The following SRSF4 variants were observed in gnomAD, a reference collection of about 807,000 sequenced individuals.
SRSF4 encodes the protein serine and arginine rich splicing factor 4.
SRSF4 carries 12 observed loss-of-function variants against 48.8 expected under a neutral mutation model. The observed-to-expected ratio is 0.25, with a 90% CI of 0.16 to 0.40. The LOEUF (loss-of-function observed/expected upper bound fraction) is 0.40. Ranked by LOEUF, SRSF4 falls within the 10% of genes least tolerant of loss-of-function variation. SRSF4 has a pLI of 1.00. For missense variants in SRSF4, 466 were observed against 667.1 expected (o/e 0.70, Z 3.32); for synonymous variants, 248 against 232.5 (o/e 1.07, Z -0.61).
chr1:29,177,287 T>TG (rs1558394572), intron 1 of SRSF4, among the ~76,000 whole-genome samples: 2 of 151,600 alleles, frequency 1.3e-5, no homozygotes, highest in Non-Finnish European at 2.9e-5. Context: ...CTTTTTGTTT[T>TG]TTTTTTTTTT....
intron 4 of SRSF4, among the ~76,000 whole-genome samples, chr1:29,151,557 T>G (rs1039755224): frequency 3.3e-5 from 5 of 152,112 alleles, no homozygotes; most frequent in African/African-American, 9.7e-5. Context: ...TGCTCCACAC[T>G]AAAAGCCTGA....
chr1:29,169,432 G>A (rs1672714868), intron 1 of SRSF4: 1 of 152,178 alleles, frequency 6.6e-6, no homozygotes, highest in Admixed American at 6.5e-5. Flanking sequence ...AGGAATATAA[G>A]CATCTTATGA....
intron 3 of SRSF4, among the ~76,000 whole-genome samples, chr1:29,158,446 T>C (rs532193273): frequency 6.6e-6 from 1 of 151,864 alleles, no homozygotes; most frequent in East Asian, 1.9e-4. Context: ...TTTTTTTTTT[T>C]TGAGACAGAG....
At position 29,161,835 on chromosome 1, in the gene SRSF4, C is replaced by T. The variant is rs1192476768; in HGVS notation, c.108-1318G>A. ...GCTGGTCTCAAAACCTCAGGTGATTCGCCCTCCTGGGCCTCCCAAAGCGCT... is the reference window on the plus strand; with the variant it reads ...GCTGGTCTCAAAACCTCAGGTGATTTGCCCTCCTGGGCCTCCCAAAGCGCT... On this transcript the variant is annotated intron_variant, in intron 1 of 5. Transcript: ENST00000373795. Among the ~76,000 whole-genome samples, 9 of 152,322 alleles carry T rather than the reference C, an allele frequency of 5.9e-5. No individual in the cohort carries two copies. The East Asian group carries it at 7.7e-4, about 13-fold the overall frequency.
At chr1:29,168,739 A>C (rs1272282118) in intron 1 of SRSF4, 1 of 152,206 alleles carries the variant, frequency 6.6e-6, no homozygotes, top group African/African-American at 2.4e-5. Flanking sequence ...GGCTCAGCAA[A>C]AATTAGACCA....
intron 1 of SRSF4, among the ~76,000 whole-genome samples, chr1:29,181,271 A>G (rs575029974): frequency 2.6e-5 from 4 of 152,322 alleles, no homozygotes; most frequent in African/African-American, 7.2e-5. Context: ...TAGTCCTCAG[A>G]GCGGGAAAGG....
chr1:29,181,611 C>A, intron 1 of SRSF4, 35 bp downstream of exon 1: 1 of 1,551,060 alleles, frequency 6.4e-7, no homozygotes, highest in South Asian at 1.2e-5. Flanking sequence ...TGGGGTCTGT[C>A]CCCGCCCGGC....
intron 1 of SRSF4, among the ~76,000 whole-genome samples, chr1:29,181,224 G>A (rs1447388044): frequency 6.6e-6 from 1 of 152,228 alleles, no homozygotes; most frequent in South Asian, 2.1e-4. Flanking sequence ...GACCGGGCAA[G>A]AGGTGAAAGG....
chr1:29,154,947 G>T, intron 3 of SRSF4, 37 bp from the exon 4 acceptor site: 1 of 1,566,892 alleles, frequency 6.4e-7, no homozygotes, highest in South Asian at 1.2e-5. Context: ...ATTAGGATAT[G>T]TTTTGCTAAA....
At chr1:29,177,276 T>C (rs894746621) in intron 1 of SRSF4, among the ~76,000 whole-genome samples, 16 of 145,326 alleles carry the variant, frequency 1.1e-4, no homozygotes, top group Non-Finnish European at 2.1e-4. Context: ...CTACAGTAAC[T>C]CTTTTTGTTT....
chr1:29,156,661 A>G (rs146575707), intron 3 of SRSF4, among the ~76,000 whole-genome samples: 93 of 152,258 alleles, frequency 6.1e-4, no homozygotes, highest in African/African-American at 1.9e-3. Flanking sequence ...TCAATTATCT[A>G]TTACTCTCGT....
intron 1 of SRSF4, among the ~76,000 whole-genome samples, chr1:29,175,766 G>T (rs1466061662): frequency 1.3e-5 from 2 of 149,706 alleles, no homozygotes; most frequent in East Asian, 2.0e-4. Context: ...TTAAGAGTGG[G>T]TCTTTAATTT....
intron 1 of SRSF4, among the ~76,000 whole-genome samples, chr1:29,167,243 C>CA (rs1168452898): frequency 1.3e-5 from 2 of 152,194 alleles, no homozygotes; most frequent in Admixed American, 1.3e-4. Context: ...AAACCTGGAA[C>CA]ACCTTGACTA....
Position 29,149,039 on chromosome 1 carries a change from G to A in SRSF4, c.856C>T (p.Pro286Ser). 6.2e-7 allele frequency: 1 copy of A among 1,613,392 alleles called. No individual in the cohort carries two copies. The highest frequency in any genetic ancestry group is 8.5e-7 in the Non-Finnish European group (1 of 1,179,950). The change falls in exon 6 of 6, where the codon CCC (proline) becomes TCC (serine). Residue 286 changes from proline to serine, a missense_variant. Around this residue, in one of 2 missense-constraint regions of SRSF4, gnomAD observed 402 missense variants for 437.0 expected, o/e 0.92. Transcript: ENST00000373795. ...KIQNNDNVGK[P>S]KSRSPSRHKS... ...TGCCTGCTAGGACTCCGGCTCTTGG[G>A]TTTCCCGACATTGTCATTGTTTTGG...
chr1:29,180,794 GC>G (rs767642167), intron 1 of SRSF4, among the ~76,000 whole-genome samples: 13 of 152,136 alleles, frequency 8.5e-5, no homozygotes, highest in Non-Finnish European at 1.9e-4. Flanking sequence ...GCTCATGCTG[GC>G]ACTATTTTTG....
intron 1 of SRSF4, chr1:29,172,182 T>C (rs1672754297): frequency 6.6e-6 from 1 of 152,232 alleles, no homozygotes; most frequent in Admixed American, 6.5e-5. Context: ...AATAGTTATA[T>C]TACTAATAAA....
chr1:29,159,299 G>T, intron 3 of SRSF4, 75 bp downstream of exon 3: 3 of 949,020 alleles, frequency 3.2e-6, no homozygotes, highest in Non-Finnish European at 5.1e-6. Flanking sequence ...GTATGCCTGG[G>T]CCTGCACAAA....
chr1:29,172,096 AAAT>A (rs1672752655), intron 1 of SRSF4: 1 of 152,140 alleles, frequency 6.6e-6, no homozygotes, highest in Non-Finnish European at 1.5e-5. Context: ...TGGGGGAAAA[AAAT>A]AATACACTTT....
Position 29,148,368 on chromosome 1 carries a change from ACAAAAG to A in SRSF4, c.*36_*41del, listed in dbSNP as rs771358287. Reference sequence around the variant, plus strand: ...CTTGTGCTACGGCTACCAAACATGTACAAAAGACTTCTCGGGTAGTTCCAGCTGTGG... The same window carrying A: ...CTTGTGCTACGGCTACCAAACATGTAACTTCTCGGGTAGTTCCAGCTGTGG... On this transcript the variant is annotated 3_prime_UTR_variant, in exon 6 of 6. Coordinates refer to ENST00000373795, the MANE Select transcript of SRSF4 (RefSeq NM_005626.5). The A allele has an allele frequency of 1.2e-3, 1,932 of 1,557,488 alleles. 1 individual carries two copies. Among genetic ancestry groups the A allele is most frequent in the Non-Finnish European group, 1.6e-3 (1,793 of 1,153,142 alleles).
Sources: allele counts gnomAD v4.1 joint callset (sites outside exome capture counted in the v4.1 genomes callset), GRCh38; gene constraint gnomAD v4.1.1; regional missense constraint gnomAD v4.1.1; transcripts MANE v1.5; gene names NCBI Gene and HGNC (gene_info 2026-07-23, HGNC 2026-07-21).